Variants in IMMP2L observed in about 807,000 individuals in gnomAD.
The protein encoded by IMMP2L is inner mitochondrial membrane peptidase subunit 2.
A neutral mutation model predicts 19.3 loss-of-function variants in IMMP2L; 18 were observed. That is an observed-to-expected ratio of 0.93 (90% confidence interval 0.64 to 1.38). The LOEUF (loss-of-function observed/expected upper bound fraction) is 1.38. Ranked by LOEUF, IMMP2L falls within the 40% of genes most tolerant of loss-of-function variation. The pLI is 0.00. For synonymous variants in IMMP2L, 76 were observed against 73.0 expected, an observed-to-expected ratio of 1.04 and a Z score of -0.21; for missense variants, 233 against 218.2, an observed-to-expected ratio of 1.07 and a Z score of -0.43.
chr7:110,843,316 C>G lies in IMMP2L; in HGVS notation c.408+43277G>C, dbSNP rs1468135205. Among the ~76,000 whole-genome samples, 11 of 152,116 alleles carry G rather than the reference C, an allele frequency of 7.2e-5. 1 individual carries two copies. Among genetic ancestry groups the G allele is most frequent in the Admixed American group, 7.2e-4 (11 of 15,266 alleles). ...AAAAGATGAAGAAACAAACCAAATA[C>G]TCCAATTTATTACTGATTTGAGATT... On this transcript the variant is annotated intron_variant, in intron 5 of 5. Transcript: ENST00000405709.
At chr7:110,875,216 C>T (rs1808948019) in intron 5 of IMMP2L, among the ~76,000 whole-genome samples, 1 of 152,136 alleles carries the variant, frequency 6.6e-6, no homozygotes, top group Non-Finnish European at 1.5e-5. Context: ...AATAGCCTTC[C>T]TCATTTTATA....
At chr7:110,980,838 A>G (rs1821225053) in intron 3 of IMMP2L, among the ~76,000 whole-genome samples, 1 of 152,348 alleles carries the variant, frequency 6.6e-6, no homozygotes, top group Admixed American at 6.5e-5. Flanking sequence ...TCCAAAATAA[A>G]TTGTGTATTA....
chr7:110,734,534 C>T (rs1195447379), intron 5 of IMMP2L, among the ~76,000 whole-genome samples: 1 of 152,020 alleles, frequency 6.6e-6, no homozygotes, highest in African/African-American at 2.4e-5. Context: ...AATTTATAAT[C>T]TAAAGGGAAG....
At chr7:111,002,956 C>A (rs1315625503) in intron 3 of IMMP2L, among the ~76,000 whole-genome samples, 1 of 152,102 alleles carries the variant, frequency 6.6e-6, no homozygotes, top group Non-Finnish European at 1.5e-5. Context: ...ATCCTGGGAC[C>A]ATGGTAATGC....
intron 3 of IMMP2L, among the ~76,000 whole-genome samples, chr7:111,241,321 C>T (rs1815002168): frequency 6.6e-6 from 1 of 151,910 alleles, no homozygotes; most frequent in Non-Finnish European, 1.5e-5. Context: ...TTTAAAAACA[C>T]ATTCACCACT....
At chr7:111,370,889 C>A (rs1330192566) in intron 3 of IMMP2L, among the ~76,000 whole-genome samples, 2 of 152,086 alleles carry the variant, frequency 1.3e-5, no homozygotes, top group African/African-American at 4.8e-5. Context: ...TATTATCTCA[C>A]TTCTTTTTCA....
chr7:110,739,406 G>A (rs1466020365), intron 5 of IMMP2L, among the ~76,000 whole-genome samples: 1 of 152,088 alleles, frequency 6.6e-6, no homozygotes, highest in Non-Finnish European at 1.5e-5. Context: ...AAGCAAGCAG[G>A]AGTAGCTATT....
At chr7:110,800,031 A>G (rs1801137345) in intron 5 of IMMP2L, among the ~76,000 whole-genome samples, 1 of 152,118 alleles carries the variant, frequency 6.6e-6, no homozygotes, top group African/African-American at 2.4e-5. Flanking sequence ...TATTAAATGC[A>G]TGTGTAAAAT....
rs1239355690 is a variant in IMMP2L, at chr7:110,687,394, G to A, written c.409-23673C>T. 2.0e-5 allele frequency among the ~76,000 whole-genome samples: 3 copies of A among 152,014 alleles called. No homozygotes were observed. The East Asian group carries it at 5.8e-4, about 29-fold the overall frequency. ...TAAGGGCCTCAAATGCAGAATCCAT[G>A]TCTAAGTCATCTTTTTTGTTTTTTA... On this transcript the variant is annotated intron_variant, in intron 5 of 5. Coordinates refer to ENST00000405709, the MANE Select transcript of IMMP2L (RefSeq NM_032549.4).
chr7:110,834,820 G>A (rs1011287247), intron 5 of IMMP2L, among the ~76,000 whole-genome samples: 3 of 152,190 alleles, frequency 2.0e-5, no homozygotes, highest in Non-Finnish European at 4.4e-5. Flanking sequence ...AGAGATTACA[G>A]TTGGCAGTAG....
At chr7:111,289,688 ATTTTGTTTTG>A (rs773395779) in intron 3 of IMMP2L, among the ~76,000 whole-genome samples, 1 of 151,952 alleles carries the variant, frequency 6.6e-6, no homozygotes, top group Non-Finnish European at 1.5e-5. Flanking sequence ...CTACTGTTCT[ATTTTGTTTTG>A]TTTTGTTTTG....
chr7:111,430,958 T>C (rs983430801), intron 3 of IMMP2L, among the ~76,000 whole-genome samples: 1 of 151,568 alleles, frequency 6.6e-6, no homozygotes, highest in African/African-American at 2.4e-5. Context: ...AATACAAAAA[T>C]TAGTCAGACG....
At chr7:110,947,350 G>A (rs1034820125) in intron 4 of IMMP2L, among the ~76,000 whole-genome samples, 1 of 152,058 alleles carries the variant, frequency 6.6e-6, no homozygotes, top group Non-Finnish European at 1.5e-5. Context: ...GAATACTAGG[G>A]CTCAGGAACA....
At chr7:110,936,855 A>G (rs1816171361) in intron 4 of IMMP2L, among the ~76,000 whole-genome samples, 1 of 152,228 alleles carries the variant, frequency 6.6e-6, no homozygotes, top group African/African-American at 2.4e-5. Context: ...TACACCATGG[A>G]ATACTATGCA....
In IMMP2L at chr7:111,562,036, G is replaced by A. The variant is rs1049646172; in HGVS notation, c.-188C>T. The A allele has an allele frequency of 6.6e-6, 1 of 152,490 alleles. No homozygotes were observed. The highest frequency in any genetic ancestry group is 1.5e-5 in the Non-Finnish European group (1 of 68,150). The allele number at this position is 152,490 out of a possible 1,614,324, so 9.4% of individuals were successfully genotyped here. A position where few individuals can be genotyped will look rare whatever the true frequency, so the allele number is the denominator to read the frequency against. Reference sequence around the variant, plus strand: ...AGGCAGAAGGCAGCGCGCCCCCACAGCGCTCCCTCACGGCCAGAGCCGGGG... The same window carrying A: ...AGGCAGAAGGCAGCGCGCCCCCACAACGCTCCCTCACGGCCAGAGCCGGGG... On this transcript the variant is annotated 5_prime_UTR_variant, in exon 1 of 6. Transcript: ENST00000405709.
At chr7:111,006,509 A>T (rs1163344847) in intron 3 of IMMP2L, among the ~76,000 whole-genome samples, 1 of 152,178 alleles carries the variant, frequency 6.6e-6, no homozygotes, top group Non-Finnish European at 1.5e-5. Flanking sequence ...TCATTCACTC[A>T]TGAGGCATCT....
intron 3 of IMMP2L, among the ~76,000 whole-genome samples, chr7:111,223,997 G>A (rs1187922139): frequency 6.6e-6 from 1 of 152,082 alleles, no homozygotes; most frequent in African/African-American, 2.4e-5. Context: ...TACAAGAAAA[G>A]AAAGAACACT....
At chr7:110,902,134 G>A (rs1332717279) in intron 4 of IMMP2L, among the ~76,000 whole-genome samples, 1 of 151,790 alleles carries the variant, frequency 6.6e-6, no homozygotes, top group Admixed American at 6.6e-5. Flanking sequence ...GATTTTGGAG[G>A]GTTAAGGGGG....
At chr7:110,888,958 A>C (rs1301562523) in intron 4 of IMMP2L, among the ~76,000 whole-genome samples, 1 of 152,234 alleles carries the variant, frequency 6.6e-6, no homozygotes, top group Non-Finnish European at 1.5e-5. Flanking sequence ...GAAGAATAAA[A>C]AATACTGCCA....
Sources: allele counts gnomAD v4.1 joint callset (sites outside exome capture counted in the v4.1 genomes callset), GRCh38; gene constraint gnomAD v4.1.1; transcripts MANE v1.5; gene names NCBI Gene and HGNC (gene_info 2026-07-23, HGNC 2026-07-21).